The following ZNF385D variants were observed in gnomAD, a reference collection of about 807,000 sequenced individuals.
The protein encoded by ZNF385D is zinc finger protein 659.
Under a neutral mutation model 35.8 loss-of-function variants are expected in ZNF385D, and 15 were observed. The ratio of observed to expected loss-of-function variants is 0.42; its 90% CI spans 0.28 to 0.64. The LOEUF (loss-of-function observed/expected upper bound fraction) is 0.64. ZNF385D is among the 30% of genes least tolerant of loss of function. The pLI is 0.23. For synonymous variants in ZNF385D, 212 were observed against 186.8 expected (o/e 1.13, Z -1.10); for missense variants, 474 against 494.6 (o/e 0.96, Z 0.39).
chr3:22,230,644 G>C (rs534198533), intron 2 of ZNF385D, among the ~76,000 whole-genome samples: 2 of 152,144 alleles, frequency 1.3e-5, no homozygotes, highest in African/African-American at 2.4e-5. Flanking sequence ...AATTGTTCAA[G>C]TTAGCTAGTG....
intron 4 of ZNF385D, among the ~76,000 whole-genome samples, chr3:21,509,706 A>T (rs142599952): frequency 3.2e-4 from 48 of 152,330 alleles, no homozygotes; most frequent in African/African-American, 1.1e-3. Flanking sequence ...ACCAGTTGCC[A>T]GCATACAAAG....
intron 3 of ZNF385D, among the ~76,000 whole-genome samples, chr3:21,814,524 G>T (rs1279481093): frequency 6.6e-6 from 1 of 152,120 alleles, no homozygotes; most frequent in Non-Finnish European, 1.5e-5. Flanking sequence ...AAAAGCAGGG[G>T]TGGCAATCCT....
At chr3:22,299,285 A>C (rs1267208472) in intron 2 of ZNF385D, among the ~76,000 whole-genome samples, 1 of 151,948 alleles carries the variant, frequency 6.6e-6, no homozygotes, top group Non-Finnish European at 1.5e-5. Flanking sequence ...TGAACAAAAA[A>C]GAACAAGTAA....
intron 3 of ZNF385D, among the ~76,000 whole-genome samples, chr3:22,007,069 T>G (rs937167128): frequency 3.9e-5 from 6 of 152,254 alleles, no homozygotes; most frequent in Admixed American, 1.3e-4. Context: ...TTATTAATAT[T>G]TTTGAAAAGG....
intron 2 of ZNF385D, among the ~76,000 whole-genome samples, chr3:21,663,331 G>A (rs932608417): frequency 1.3e-4 from 20 of 152,064 alleles, no homozygotes; most frequent in Admixed American, 1.2e-3. Context: ...TTCCCAAGAG[G>A]CAAATCAAAA....
At chr3:21,945,419 A>C (rs1228170126) in intron 3 of ZNF385D, among the ~76,000 whole-genome samples, 2 of 152,200 alleles carry the variant, frequency 1.3e-5, no homozygotes, top group Non-Finnish European at 2.9e-5. Context: ...ATAGAAGAGC[A>C]AACATTTTAA....
chr3:21,734,520 T>C (rs2069156590), intron 1 of ZNF385D, among the ~76,000 whole-genome samples: 1 of 151,842 alleles, frequency 6.6e-6, no homozygotes, highest in South Asian at 2.1e-4. Context: ...AGCGTTTACA[T>C]TTTTGGAAAT....
intron 3 of ZNF385D, among the ~76,000 whole-genome samples, chr3:21,995,750 T>G (rs1359047178): frequency 1.3e-5 from 2 of 151,860 alleles, no homozygotes; most frequent in African/African-American, 2.4e-5. Context: ...AGGACCATTC[T>G]CCAGATTGCC....
At chr3:21,679,977 C>T (rs1206917158) in intron 1 of ZNF385D, among the ~76,000 whole-genome samples, 5 of 152,038 alleles carry the variant, frequency 3.3e-5, no homozygotes, top group Admixed American at 6.6e-5. Flanking sequence ...GAGAGAGACT[C>T]GCTCAGTGCC....
chr3:22,293,080 C>T (rs1296546315), intron 2 of ZNF385D, among the ~76,000 whole-genome samples: 1 of 152,086 alleles, frequency 6.6e-6, no homozygotes, highest in Admixed American at 6.6e-5. Context: ...GTATGCTGAA[C>T]ATTACTGTCT....
rs569678861 is a variant in ZNF385D, at chr3:22,107,927, G to T, written c.325+60890C>A. 1.2e-3 allele frequency among the ~76,000 whole-genome samples: 187 copies of T among 151,910 alleles called. 1 individual carries two copies. Among genetic ancestry groups the T allele is most frequent in the South Asian group, 3.8e-3 (18 of 4,796 alleles). ...CCATAATAGGTGATTAGGCCGTGAG[G>T]ACTCCTCCCTCATGAAAGTGATTAA... is the stretch of plus-strand genomic sequence containing the variant. On this transcript the variant is annotated intron_variant, in intron 3 of 5. Transcript: ENST00000494108.
intron 2 of ZNF385D, among the ~76,000 whole-genome samples, chr3:22,314,726 T>C (rs940859504): frequency 2.6e-5 from 4 of 152,146 alleles, no homozygotes; most frequent in African/African-American, 4.8e-5. Context: ...TGAGAATGCA[T>C]GCTCTAGTTT....
intron 3 of ZNF385D, among the ~76,000 whole-genome samples, chr3:21,801,142 G>A (rs1356230309): frequency 6.6e-6 from 1 of 152,012 alleles, no homozygotes; most frequent in Non-Finnish European, 1.5e-5. Flanking sequence ...GATTTCATAT[G>A]TTGAATCACT....
In ZNF385D at chr3:21,421,262, A is replaced by AGCT; in HGVS notation, c.1139_1140insAGC (p.Pro380_Gly381insAla). On this transcript the variant is annotated inframe_insertion, in exon 8 of 8. Transcript: ENST00000281523. ...GAGTGTGGGCGGTCCGAATGGGTCC[A>AGCT]GGAGCTGGCCGCAGGAGTGCCGGAG... is the stretch of plus-strand genomic sequence containing the variant. 2 of 1,613,802 alleles carry AGCT rather than the reference A, an allele frequency of 1.2e-6. No homozygotes were observed. The highest frequency in any genetic ancestry group is 8.5e-7 in the Non-Finnish European group (1 of 1,179,900).
At chr3:22,214,687 C>T (rs1287157860) in intron 2 of ZNF385D, among the ~76,000 whole-genome samples, 1 of 151,992 alleles carries the variant, frequency 6.6e-6, no homozygotes, top group African/African-American at 2.4e-5. Flanking sequence ...CGCTCCCAGG[C>T]TTATTAGGAC....
At chr3:21,660,923 G>A (rs1423508039) in intron 2 of ZNF385D, among the ~76,000 whole-genome samples, 1 of 152,180 alleles carries the variant, frequency 6.6e-6, no homozygotes, top group Admixed American at 6.6e-5. Flanking sequence ...CTCAGCACCA[G>A]GGCCACCCCT....
At chr3:22,074,274 T>A (rs1031227672) in intron 3 of ZNF385D, among the ~76,000 whole-genome samples, 1 of 151,914 alleles carries the variant, frequency 6.6e-6, no homozygotes, top group African/African-American at 2.4e-5. Flanking sequence ...AGTGAAGACA[T>A]TGATTATGTC....
chr3:21,787,064 G>C (rs1354747673), intron 3 of ZNF385D, among the ~76,000 whole-genome samples: 2 of 152,152 alleles, frequency 1.3e-5, no homozygotes, highest in African/African-American at 4.8e-5. Context: ...ATAGTAATAA[G>C]AGAGCAAACA....
chr3:21,445,250 A>G (rs1702086520), intron 4 of ZNF385D, among the ~76,000 whole-genome samples: 2 of 152,220 alleles, frequency 1.3e-5, no homozygotes, highest in Admixed American at 1.3e-4. Context: ...AAAAAGAAAG[A>G]AGCCAACAGA....
Sources: gnomAD v4.1 joint callset for allele counts (sites outside exome capture counted in the v4.1 genomes callset) on GRCh38, gnomAD v4.1.1 for gene constraint, MANE v1.5 for transcripts, NCBI Gene and HGNC (gene_info 2026-07-23, HGNC 2026-07-21) for gene names.